IL1R1: variants seen among roughly 807,000 people sequenced by gnomAD.
IL1R1 encodes interleukin 1 receptor type 1.
A neutral mutation model predicts 50.2 loss-of-function variants in IL1R1; 22 were observed. The ratio of observed to expected loss-of-function variants is 0.44; its 90% CI spans 0.31 to 0.63. The LOEUF (loss-of-function observed/expected upper bound fraction) is 0.63. Among genes scored for constraint, IL1R1 ranks in the 20% least tolerant of loss-of-function variants. IL1R1 has a pLI of 0.07. For missense variants in IL1R1, 509 were observed against 676.2 expected (o/e 0.75, Z 2.74); for synonymous variants, 251 against 236.7 (o/e 1.06, Z -0.55).
rs1686051083 is a variant in IL1R1, at chr2:102,175,517, C to T, written c.1175C>T (p.Pro392Leu). The change falls in exon 11 of 12, where the codon CCA becomes CTA. Residue 392 changes from proline (P) to leucine (L), a missense_variant. Coordinates refer to ENST00000410023, the MANE Select transcript of IL1R1 (RefSeq NM_000877.4). ...GKTYDAYILY[P>L]KTVGEGSTSD... ...ACCTATGACGCATATATACTGTATC[C>T]AAAGACTGTTGGGGAAGGGTCTACC... 1.9e-6 allele frequency: 3 copies of T among 1,613,392 alleles called. No homozygotes were observed. The highest frequency in any genetic ancestry group is 3.3e-5 in the Admixed American group (2 of 59,992).
chr2:102,100,517 A>G (rs1680095163), upstream of IL1R1, among the ~76,000 whole-genome samples: 1 of 152,254 alleles, frequency 6.6e-6, no homozygotes, highest in Non-Finnish European at 1.5e-5. Flanking sequence ...AGATGTTTGC[A>G]GATACTTACA....
rs564820621 is a variant in IL1R1, at chr2:102,084,043, G to A, written c.-84+13510G>A. Among the ~76,000 whole-genome samples the A allele has an allele frequency of 2.1e-3, 318 of 152,114 alleles. 1 individual carries two copies. The highest frequency in any genetic ancestry group is 6.0e-3 in the African/African-American group (251 of 41,502). ...CTGTGGTCTTGACCAAGGCCTCATA[G>A]CGACTCTGAATCTCTTGCGACTCTG... On this transcript the variant is annotated intron_variant, in intron 1 of 11. Coordinates refer to the IL1R1 transcript ENST00000409929.
intron 1 of IL1R1, among the ~76,000 whole-genome samples, chr2:102,091,904 C>T (rs1352697066): frequency 2.6e-5 from 4 of 152,168 alleles, no homozygotes; most frequent in African/African-American, 7.2e-5. Context: ...CTGCCTTGTT[C>T]CACTTAATGT....
At chr2:102,082,641 A>C (rs943751572) in intron 1 of IL1R1, among the ~76,000 whole-genome samples, 1 of 152,176 alleles carries the variant, frequency 6.6e-6, no homozygotes, top group South Asian at 2.1e-4. Flanking sequence ...AACAAAACAG[A>C]ACAAACGCCC....
rs1374611938 is a variant in IL1R1, at chr2:102,105,909, A to G, written c.-84+1037A>G. Among the ~76,000 whole-genome samples, 6 of 152,310 alleles carry G rather than the reference A, an allele frequency of 3.9e-5. No homozygotes were observed. In the South Asian group the frequency reaches 1.0e-3, roughly 26 times the overall value. ...TGCATTTTTATCCTTGATCTCCATA[A>G]TTTATCCTTGATCTCCATTTATCCT... On this transcript the variant is annotated intron_variant, in intron 1 of 10. Transcript: ENST00000409329.
At chr2:102,115,429 C>T (rs114298527) in intron 1 of IL1R1, among the ~76,000 whole-genome samples, 1,901 of 152,276 alleles carry the variant, frequency 0.012, 43 homozygotes, top group African/African-American at 0.042. Flanking sequence ...GTTGTGTAAA[C>T]GTAGCCACTT....
chr2:102,142,583 G>A (rs976937445), upstream of IL1R1: 3 of 152,002 alleles, frequency 2.0e-5, no homozygotes, highest in African/African-American at 7.2e-5. Flanking sequence ...ACCCGGGGCA[G>A]GGCGGTGTCC....
upstream of IL1R1, chr2:102,141,771 C>G (rs968835779): frequency 6.6e-6 from 1 of 152,240 alleles, no homozygotes; most frequent in African/African-American, 2.4e-5. Flanking sequence ...TATTAAAACT[C>G]TTCTTGGAGG....
At chr2:102,131,588 C>A (rs1682031775) in intron 1 of IL1R1, among the ~76,000 whole-genome samples, 1 of 151,410 alleles carries the variant, frequency 6.6e-6, no homozygotes, top group African/African-American at 2.4e-5. Flanking sequence ...AGATTAATAG[C>A]AGATTAGATA....
At chr2:102,173,239 T>C (rs1685842659) in intron 9 of IL1R1, among the ~76,000 whole-genome samples, 1 of 152,216 alleles carries the variant, frequency 6.6e-6, no homozygotes, top group Non-Finnish European at 1.5e-5. Context: ...TGAACTACAT[T>C]GATGATGCAT....
chr2:102,151,863 G>A (rs866083741), intron 1 of IL1R1, among the ~76,000 whole-genome samples: 16 of 152,210 alleles, frequency 1.1e-4, no homozygotes, highest in African/African-American at 3.4e-4. Flanking sequence ...GAGGTGGAAT[G>A]GCACGGTGCT....
chr2:102,089,982 C>T (rs1310261944), intron 1 of IL1R1, among the ~76,000 whole-genome samples: 5 of 151,408 alleles, frequency 3.3e-5, no homozygotes, highest in South Asian at 2.1e-4. Flanking sequence ...TACAGGTGCC[C>T]GCCACCACAC....
At chr2:102,077,411 T>C (rs1381648077) in intron 1 of IL1R1, among the ~76,000 whole-genome samples, 1 of 152,236 alleles carries the variant, frequency 6.6e-6, no homozygotes, top group Non-Finnish European at 1.5e-5. Flanking sequence ...GAATTTGCCA[T>C]AATACAATCT....
At chr2:102,138,717 C>T (rs1035235916), upstream of IL1R1, among the ~76,000 whole-genome samples, 34 of 151,968 alleles carry the variant, frequency 2.2e-4, no homozygotes, top group African/African-American at 7.3e-4. Flanking sequence ...ATGAGAGGAG[C>T]GATAAAAAAC....
chr2:102,133,667 A>G (rs1682171664), intron 1 of IL1R1, among the ~76,000 whole-genome samples: 2 of 152,242 alleles, frequency 1.3e-5, no homozygotes, highest in Admixed American at 6.5e-5. Flanking sequence ...AAACAATCAT[A>G]TAATTGTCTC....
At chr2:102,090,699 C>T (rs563446777) in intron 1 of IL1R1, among the ~76,000 whole-genome samples, 1 of 151,774 alleles carries the variant, frequency 6.6e-6, no homozygotes, top group African/African-American at 2.4e-5. Context: ...ATCCTTTTAC[C>T]TGTTTAGTTC....
At chr2:102,099,058 A>G (rs935936329) in intron 1 of IL1R1, among the ~76,000 whole-genome samples, 4 of 152,214 alleles carry the variant, frequency 2.6e-5, no homozygotes, top group Non-Finnish European at 5.9e-5. Context: ...TTATTCACTA[A>G]AATAACTAAA....
At chr2:102,116,146 G>T (rs1681058300) in intron 1 of IL1R1, among the ~76,000 whole-genome samples, 1 of 152,220 alleles carries the variant, frequency 6.6e-6, no homozygotes, top group Admixed American at 6.5e-5. Context: ...GGTCGAGATG[G>T]TTCAGATGTC....
intron 1 of IL1R1, among the ~76,000 whole-genome samples, chr2:102,072,460 CACTT>C (rs1254033569): frequency 6.6e-6 from 1 of 152,158 alleles, no homozygotes; most frequent in Non-Finnish European, 1.5e-5. Flanking sequence ...TCTTATACCT[CACTT>C]ACTGGAATAT....
Sources: gnomAD v4.1 joint callset for allele counts (sites outside exome capture counted in the v4.1 genomes callset) on GRCh38, gnomAD v4.1.1 for gene constraint, MANE v1.5 for transcripts, NCBI Gene and HGNC (gene_info 2026-07-23, HGNC 2026-07-21) for gene names.